Variants in RGSL1 observed in about 807,000 individuals in gnomAD.
The protein encoded by RGSL1 is regulator of G protein signaling like 1.
In RGSL1, 97 loss-of-function variants were observed where a neutral mutation model predicts 124.7. The observed-to-expected ratio is 0.78, with a 90% CI of 0.66 to 0.92. RGSL1 has a LOEUF of 0.92. Among genes scored for constraint, RGSL1 ranks in the 40% least tolerant of loss-of-function variants. The pLI is 0.00. For synonymous variants in RGSL1, 424 were observed against 438.1 expected (o/e 0.97, Z 0.40); for missense variants, 1,233 against 1,288.4 (o/e 0.96, Z 0.66).
chr1:182,492,895 C>A, intron 8 of RGSL1, 127 bp from the exon 9 acceptor site: 1 of 677,712 alleles, frequency 1.5e-6, no homozygotes, highest in South Asian at 1.7e-5. Context: ...TCCCAAAGTG[C>A]TGGGATTACA....
intron 3 of RGSL1, among the ~76,000 whole-genome samples, chr1:182,458,594 C>T (rs1652545726): frequency 6.6e-6 from 1 of 152,150 alleles, no homozygotes; most frequent in African/African-American, 2.4e-5. Context: ...CTAAGCCTCC[C>T]AAATAGCTGG....
At chr1:182,555,888 C>T in intron 20 of RGSL1, 136 bp from the exon 21 acceptor site, 1 of 705,100 alleles carries the variant, frequency 1.4e-6, no homozygotes, top group Admixed American at 2.6e-5. Context: ...ATGTGAGAAG[C>T]CCTATTCTGA....
chr1:182,501,930 A>C (rs1168733379), intron 9 of RGSL1, among the ~76,000 whole-genome samples: 1 of 152,004 alleles, frequency 6.6e-6, no homozygotes, highest in Non-Finnish European at 1.5e-5. Context: ...CTCCCATTCA[A>C]ACTGTTATTT....
chr1:182,508,553 C>G (rs932678821), intron 9 of RGSL1, among the ~76,000 whole-genome samples: 1 of 151,874 alleles, frequency 6.6e-6, no homozygotes, highest in South Asian at 2.1e-4. Context: ...CCCGCCTCAG[C>G]CTCCCAAAGT....
chr1:182,556,118 A>G lies in RGSL1; in HGVS notation c.*61A>G. 6.8e-7 allele frequency: 1 copy of G among 1,473,120 alleles called. No homozygotes were observed. Among genetic ancestry groups the G allele is most frequent in the East Asian group, 2.5e-5 (1 of 40,550 alleles). The allele number at this position is 1,473,120 out of a possible 1,614,324, so 91.3% of individuals were successfully genotyped here. The stretch of plus-strand genomic sequence containing the variant: ...TAGAGGCCTCCTAACACTGACAGAA[A>G]CTTTTCTGGTCAAAAATGAAAGGTC... On this transcript the variant is annotated 3_prime_UTR_variant, in exon 21 of 22. Coordinates refer to ENST00000294854, the MANE Select transcript of RGSL1 (RefSeq NM_001137669.2).
chr1:182,544,455 G>A (rs1660084130), intron 15 of RGSL1, among the ~76,000 whole-genome samples: 1 of 152,056 alleles, frequency 6.6e-6, no homozygotes, highest in Admixed American at 6.6e-5. Flanking sequence ...TGAAAAGATT[G>A]TATATTCTGT....
chr1:182,525,690 G>A (rs1025913543), intron 10 of RGSL1, among the ~76,000 whole-genome samples: 1 of 151,988 alleles, frequency 6.6e-6, no homozygotes, highest in Non-Finnish European at 1.5e-5. Context: ...CAGAAACAAT[G>A]ATACCAAAGG....
chr1:182,492,848 CTCAA>C (rs1655632972), intron 8 of RGSL1, 170 bp from the exon 9 acceptor site: 1 of 593,500 alleles, frequency 1.7e-6, no homozygotes, highest in Non-Finnish European at 3.0e-6. Context: ...TCAGGATGGT[CTCAA>C]TCTCCTGACT....
chr1:182,538,949 G>A (rs996724170), intron 14 of RGSL1, among the ~76,000 whole-genome samples: 3 of 152,154 alleles, frequency 2.0e-5, no homozygotes, highest in African/African-American at 4.8e-5. Flanking sequence ...AACAGCATTT[G>A]GTGACTAATT....
chr1:182,448,660 C>T (rs995806112), upstream of RGSL1, among the ~76,000 whole-genome samples: 1 of 152,112 alleles, frequency 6.6e-6, no homozygotes, highest in African/African-American at 2.4e-5. Context: ...TAACAACAAC[C>T]CTGTCAATAA....
At chr1:182,501,220 T>C (rs1656327584) in intron 9 of RGSL1, among the ~76,000 whole-genome samples, 1 of 151,824 alleles carries the variant, frequency 6.6e-6, no homozygotes, top group South Asian at 2.1e-4. Context: ...CAAATCCTTT[T>C]TCTCTGTCAA....
intron 14 of RGSL1, among the ~76,000 whole-genome samples, chr1:182,535,590 G>A (rs961890882): frequency 6.6e-6 from 1 of 151,992 alleles, no homozygotes; most frequent in African/African-American, 2.4e-5. Context: ...TTTCTCTACT[G>A]GATTACTCAA....
At chr1:182,507,001 TTTTTTG>T (rs1361625236) in intron 9 of RGSL1, among the ~76,000 whole-genome samples, 2 of 149,650 alleles carry the variant, frequency 1.3e-5, no homozygotes, top group Non-Finnish European at 3.0e-5. Context: ...TTTTTTTTTT[TTTTTTG>T]TGACAGAGTT....
At chr1:182,451,746 T>A (rs1238864609) in intron 1 of RGSL1, among the ~76,000 whole-genome samples, 1 of 151,030 alleles carries the variant, frequency 6.6e-6, no homozygotes, top group African/African-American at 2.4e-5. Context: ...AATAATAATA[T>A]CAACAGATTA....
At chr1:182,502,580 AAAC>A (rs1656478320) in intron 9 of RGSL1, among the ~76,000 whole-genome samples, 1 of 152,164 alleles carries the variant, frequency 6.6e-6, no homozygotes, top group African/African-American at 2.4e-5. Flanking sequence ...CATCTCTAAA[AAAC>A]AACAACAAAA....
At chr1:182,544,437 T>G (rs1303252010) in intron 15 of RGSL1, among the ~76,000 whole-genome samples, 1 of 152,064 alleles carries the variant, frequency 6.6e-6, no homozygotes, top group Non-Finnish European at 1.5e-5. Flanking sequence ...GAATGTTCCA[T>G]GTGCTGATGA....
chr1:182,469,173 A>C (rs1179064014), intron 4 of RGSL1, among the ~76,000 whole-genome samples: 1 of 150,868 alleles, frequency 6.6e-6, no homozygotes, highest in Non-Finnish European at 1.5e-5. Context: ...TGGGCTTCAT[A>C]AAAAATCAAA....
chr1:182,540,403 T>G lies in RGSL1; in HGVS notation c.2651T>G (p.Phe884Cys). ...AACTTTGCGATCAATGATCTATATT[T>G]CTTTTCTGAAATGGAGAAGTAAGTT... ...TVNFAINDLY[F>C]FSEMEKFNDL... The change falls in exon 15 of 22, where the codon TTC (phenylalanine) becomes TGC (cysteine). Residue 884 changes from phenylalanine to cysteine, a missense_variant. Coordinates refer to ENST00000294854, the MANE Select transcript of RGSL1 (RefSeq NM_001137669.2). 6.4e-7 allele frequency: 1 copy of G among 1,550,524 alleles called. No homozygotes were observed. Among genetic ancestry groups the G allele is most frequent in the Non-Finnish European group, 8.7e-7 (1 of 1,146,418 alleles).
At chr1:182,532,840 T>C in intron 14 of RGSL1, 49 bp downstream of exon 14, 1 of 1,523,788 alleles carries the variant, frequency 6.6e-7, no homozygotes, top group Non-Finnish European at 8.9e-7. Flanking sequence ...ATTTTAGCCA[T>C]GAGGGTCAGC....
Sources: allele counts gnomAD v4.1 joint callset (sites outside exome capture counted in the v4.1 genomes callset), GRCh38; gene constraint gnomAD v4.1.1; transcripts MANE v1.5; gene names NCBI Gene and HGNC (gene_info 2026-07-23, HGNC 2026-07-21).